The following PARN variants were observed in gnomAD, a reference collection of about 807,000 sequenced individuals.
The protein encoded by PARN is poly(A)-specific ribonuclease PARN.
Under a neutral mutation model 102.8 loss-of-function variants are expected in PARN, and 71 were observed. The ratio of observed to expected loss-of-function variants is 0.69; its 90% CI spans 0.57 to 0.84. The LOEUF is 0.84. Ranked by LOEUF, PARN falls within the 40% of genes least tolerant of loss-of-function variation. PARN has a pLI of 0.00. For missense variants in PARN, 782 were observed against 760.9 expected, an observed-to-expected ratio of 1.03 and a Z score of -0.33; for synonymous variants, 261 against 252.9, an observed-to-expected ratio of 1.03 and a Z score of -0.30.
chr16:14,455,827 C>G lies in PARN; in HGVS notation c.1671-8746G>C, dbSNP rs557566797. On this transcript the variant is annotated intron_variant, in intron 22 of 23. Transcript: ENST00000437198. ...TGTTGCTGTCCTGGTTCTGAAATGA[C>G]GACCTTAATCTCTGACTCCATGTGT... 1.7e-3 allele frequency among the ~76,000 whole-genome samples: 266 copies of G among 152,288 alleles called. 1 individual carries two copies. Among genetic ancestry groups the G allele is most frequent in the South Asian group, 0.016 (78 of 4,818 alleles).
chr16:14,533,279 G>A (rs948964360), intron 21 of PARN, among the ~76,000 whole-genome samples: 5 of 152,120 alleles, frequency 3.3e-5, no homozygotes, highest in East Asian at 1.9e-4. Context: ...GGCGGCGCGC[G>A]CCTGCAATCG....
At chr16:14,522,492 C>T (rs936246869) in intron 21 of PARN, among the ~76,000 whole-genome samples, 1 of 151,978 alleles carries the variant, frequency 6.6e-6, no homozygotes, top group African/African-American at 2.4e-5. Flanking sequence ...ATGGGCAGCA[C>T]AGTGAGACTT....
intron 2 of PARN, 117 bp from the exon 3 acceptor site, chr16:14,628,368 C>T (rs561419243): frequency 1.6e-6 from 1 of 630,150 alleles, no homozygotes; most frequent in East Asian, 2.8e-5. Context: ...CTTGGAAGCA[C>T]TCCCTAACTT....
At chr16:14,537,092 C>A (rs962028927) in intron 21 of PARN, among the ~76,000 whole-genome samples, 24 of 152,024 alleles carry the variant, frequency 1.6e-4, no homozygotes, top group Non-Finnish European at 3.2e-4. Flanking sequence ...AATTCAATGG[C>A]AAAGAACCCA....
rs1257822531 is a variant in PARN at position 14,545,555 on chromosome 16, TTC to T, written c.1480+6464_1480+6465del. 2.6e-5 allele frequency among the ~76,000 whole-genome samples: 4 copies of T among 152,336 alleles called. No individual in the cohort carries two copies. The East Asian group carries it at 7.7e-4, about 29-fold the overall frequency. ...GAGGATAATTTATAGCTTTAAATGC[TTC>T]TGTTAGAAAAGGAAAATGGTTCAAG... On this transcript the variant is annotated intron_variant, in intron 21 of 23. Transcript: ENST00000437198.
At chr16:14,562,204 T>C (rs1173048983) in intron 18 of PARN, among the ~76,000 whole-genome samples, 3 of 151,316 alleles carry the variant, frequency 2.0e-5, no homozygotes, top group Non-Finnish European at 2.9e-5. Flanking sequence ...CTGCCAAGCA[T>C]AGTGGCTCAT....
At position 14,609,105 on chromosome 16, in the gene PARN, T is replaced by A. The variant is rs765326441; in HGVS notation, c.573A>T (p.Leu191Phe). Residue 191 changes from leucine to phenylalanine, a missense_variant, in exon 8 of 24, where the codon TTA becomes TTT. Transcript: ENST00000437198. ...IDQVVEKIEDLLQSEENKNLD... is the reference protein window; with the variant it reads ...IDQVVEKIEDFLQSEENKNLD... Reference sequence around the variant, plus strand: ...AGTTCTTGTTTTCTTCACTTTGTAATAAATCCTCTATTTTCTCTCTGAGGA... The same window carrying A: ...AGTTCTTGTTTTCTTCACTTTGTAAAAAATCCTCTATTTTCTCTCTGAGGA... 28 of 1,541,876 alleles carry A rather than the reference T, an allele frequency of 1.8e-5. No homozygotes were observed. The highest frequency in any genetic ancestry group is 2.3e-5 in the Non-Finnish European group (26 of 1,124,070).
chr16:14,604,072 C>G (rs1971036271), intron 11 of PARN, 74 bp downstream of exon 11: 2 of 896,256 alleles, frequency 2.2e-6, no homozygotes, highest in African/African-American at 3.3e-5. Flanking sequence ...AACATATGAT[C>G]TGAAATAGAC....
intron 6 of PARN, among the ~76,000 whole-genome samples, chr16:14,616,968 A>G (rs1213144178): frequency 6.6e-6 from 1 of 152,020 alleles, no homozygotes; most frequent in Non-Finnish European, 1.5e-5. Flanking sequence ...CCAGTGGTAG[A>G]ATAAACTGCA....
At chr16:14,599,028 TCTC>T (rs1459273095) in intron 12 of PARN, among the ~76,000 whole-genome samples, 9 of 149,466 alleles carry the variant, frequency 6.0e-5, no homozygotes, top group Admixed American at 5.4e-4. Flanking sequence ...CTGTTTTCTT[TCTC>T]CTCTTCTTTT....
At chr16:14,493,344 T>C (rs958375258) in intron 21 of PARN, among the ~76,000 whole-genome samples, 2 of 152,158 alleles carry the variant, frequency 1.3e-5, no homozygotes, top group African/African-American at 4.8e-5. Flanking sequence ...GCCTCCTGAG[T>C]AGCTGGGACT....
chr16:14,601,513 G>A (rs575438859), intron 11 of PARN, among the ~76,000 whole-genome samples: 1 of 152,176 alleles, frequency 6.6e-6, no homozygotes, highest in Non-Finnish European at 1.5e-5. Flanking sequence ...AGAGAATTCT[G>A]GAGATGGATG....
At chr16:14,619,058 T>C (rs1972115881) in intron 5 of PARN, among the ~76,000 whole-genome samples, 1 of 151,744 alleles carries the variant, frequency 6.6e-6, no homozygotes, top group Non-Finnish European at 1.5e-5. Context: ...TAGCCAGGCA[T>C]GGTAGCACAT....
At chr16:14,560,105 C>G (rs1468056203) in intron 18 of PARN, among the ~76,000 whole-genome samples, 1 of 152,200 alleles carries the variant, frequency 6.6e-6, no homozygotes, top group Non-Finnish European at 1.5e-5. Flanking sequence ...GCACTGACTC[C>G]CTGGAATGAT....
chr16:14,627,596 C>A (rs1239616109), intron 3 of PARN, among the ~76,000 whole-genome samples: 3 of 152,202 alleles, frequency 2.0e-5, no homozygotes, highest in Non-Finnish European at 4.4e-5. Flanking sequence ...ATAACTGCCT[C>A]ATATTTCCTA....
intron 9 of PARN, among the ~76,000 whole-genome samples, chr16:14,606,781 ATTTT>A (rs373632720): frequency 1.5e-5 from 2 of 132,024 alleles, no homozygotes; most frequent in African/African-American, 5.5e-5. Context: ...GGTATTTTCT[ATTTT>A]TTTTTTTTTT....
intron 21 of PARN, among the ~76,000 whole-genome samples, chr16:14,506,646 G>A (rs1237931726): frequency 6.6e-6 from 1 of 152,200 alleles, no homozygotes; most frequent in Admixed American, 6.5e-5. Context: ...GGGAGACAGA[G>A]CAAATATGAT....
chr16:14,581,586 G>C (rs1020816377), intron 17 of PARN, among the ~76,000 whole-genome samples: 8 of 152,086 alleles, frequency 5.3e-5, no homozygotes, highest in African/African-American at 9.7e-5. Context: ...TGAGACCTTT[G>C]GGAGGTAATT....
rs575099206 is a variant in PARN at position 14,515,548 on chromosome 16, T to A, written c.1481-32721A>T. On this transcript the variant is annotated intron_variant, in intron 21 of 23. Coordinates refer to ENST00000437198, the MANE Select transcript of PARN (RefSeq NM_002582.4). ...CAGAAAAAATTCTCCCTACGGCCAA[T>A]GAATGCATGACAGAAGGACACGCCT... Among the ~76,000 whole-genome samples the A allele has an allele frequency of 2.6e-5, 4 of 152,158 alleles. No individual in the cohort carries two copies. The East Asian group carries it at 7.7e-4, about 29-fold the overall frequency.
Sources: allele counts gnomAD v4.1 joint callset (sites outside exome capture counted in the v4.1 genomes callset), GRCh38; gene constraint gnomAD v4.1.1; transcripts MANE v1.5; gene names NCBI Gene and HGNC (gene_info 2026-07-23, HGNC 2026-07-21).